The following PTBP3 variants were observed in gnomAD, a reference collection of about 807,000 sequenced individuals.
The protein encoded by PTBP3 is polypyrimidine tract-binding protein 3.
In PTBP3, 20 loss-of-function variants were observed where a neutral mutation model predicts 58.7. That is an observed-to-expected ratio of 0.34 (90% CI 0.24 to 0.50). PTBP3 has a LOEUF of 0.50. Ranked by LOEUF, PTBP3 falls within the 20% of genes least tolerant of loss-of-function variation. The probability of loss-of-function intolerance (pLI) is 0.98; values close to 1 mark genes in which losing one functional copy is unlikely to be tolerated. For synonymous variants in PTBP3, 185 were observed against 219.8 expected, an observed-to-expected ratio of 0.84 and a Z score of 1.40; for missense variants, 509 against 637.2, an observed-to-expected ratio of 0.80 and a Z score of 2.17.
chr9:112,220,610 G>C lies in PTBP3; in HGVS notation c.*3241C>G. 1.0e-6 allele frequency: 1 copy of C among 996,914 alleles called. No homozygotes were observed. Among genetic ancestry groups the C allele is most frequent in the East Asian group, 1.1e-4 (1 of 9,342 alleles). 61.8% of individuals were successfully genotyped at this position (996,914 alleles called of 1,614,324 possible). On this transcript the variant is annotated 3_prime_UTR_variant, in exon 14 of 14. Coordinates refer to ENST00000374257, the MANE Select transcript of PTBP3 (RefSeq NM_001163788.4). ...ATTGATTTCAATATTTAGTCTTAAA[G>C]AATTTATGGCATTCTGTAAGAGCTG...
At chr9:112,313,907 C>A (rs1274523091) in intron 1 of PTBP3, among the ~76,000 whole-genome samples, 1 of 152,090 alleles carries the variant, frequency 6.6e-6, no homozygotes, top group Non-Finnish European at 1.5e-5. Flanking sequence ...CATGGATGAA[C>A]CAACTGACGA....
At chr9:112,301,164 TA>T (rs1288715707) in intron 1 of PTBP3, among the ~76,000 whole-genome samples, 1 of 151,360 alleles carries the variant, frequency 6.6e-6, no homozygotes, top group Non-Finnish European at 1.5e-5. Flanking sequence ...AGATCAACAA[TA>T]AAAAAAGACA....
At chr9:112,226,902 A>G (rs183235070) in intron 12 of PTBP3, among the ~76,000 whole-genome samples, 1 of 152,372 alleles carries the variant, frequency 6.6e-6, no homozygotes, top group African/African-American at 2.4e-5. Context: ...GAAGATAACT[A>G]AAGCACACAT....
At chr9:112,314,992 C>T (rs1014518220) in intron 1 of PTBP3, among the ~76,000 whole-genome samples, 1 of 152,040 alleles carries the variant, frequency 6.6e-6, no homozygotes, top group Non-Finnish European at 1.5e-5. Context: ...CTGCCATGCC[C>T]GGCTAATTTT....
chr9:112,308,536 G>A (rs1032683816), intron 1 of PTBP3, among the ~76,000 whole-genome samples: 4 of 151,982 alleles, frequency 2.6e-5, no homozygotes, highest in African/African-American at 9.7e-5. Flanking sequence ...AGGTTTGACT[G>A]CTATGATAAC....
chr9:112,313,216 C>A (rs200051030), intron 1 of PTBP3, among the ~76,000 whole-genome samples: 1 of 132,656 alleles, frequency 7.5e-6, no homozygotes, highest in Non-Finnish European at 1.6e-5. Context: ...AGACTTTTTT[C>A]TTTTAAGAGA....
At chr9:112,241,169 T>C (rs1291898994) in intron 7 of PTBP3, among the ~76,000 whole-genome samples, 5 of 152,194 alleles carry the variant, frequency 3.3e-5, no homozygotes, top group Admixed American at 1.3e-4. Context: ...AGTGGCACAA[T>C]CTGGGCTCAC....
intron 7 of PTBP3, among the ~76,000 whole-genome samples, chr9:112,247,268 T>TAATAAATAAATA (rs67113136): frequency 4.9e-5 from 7 of 144,122 alleles, no homozygotes; most frequent in African/African-American, 7.6e-5. Context: ...CCTGTTTCAA[T>TAATAAATAAATA]AATAAATAAA....
chr9:112,299,297 C>G (rs1828816353), intron 1 of PTBP3, among the ~76,000 whole-genome samples: 1 of 152,112 alleles, frequency 6.6e-6, no homozygotes, highest in East Asian at 1.9e-4. Flanking sequence ...TTAGCTCTTT[C>G]GAGATTTGCA....
At chr9:112,287,342 T>TTG (rs1491588992) in intron 2 of PTBP3, among the ~76,000 whole-genome samples, 1 of 101,608 alleles carries the variant, frequency 9.8e-6, no homozygotes, top group African/African-American at 3.0e-5. Flanking sequence ...CAGTTTTTTG[T>TTG]TTTTTTTTTT....
the PTBP3 span, among the ~76,000 whole-genome samples, chr9:112,361,443 T>G: frequency 6.6e-6 from 1 of 152,170 alleles, no homozygotes; most frequent in South Asian, 2.1e-4. Context: ...GGAAGATAAC[T>G]TTGTCCATTT....
At chr9:112,360,380 G>A in the PTBP3 span, among the ~76,000 whole-genome samples, 5 of 152,028 alleles carry the variant, frequency 3.3e-5, no homozygotes, top group South Asian at 4.2e-4. Context: ...TAGAATCAGG[G>A]TGTCACTGTT....
chr9:112,251,152 T>C, intron 6 of PTBP3, 49 bp from the exon 7 acceptor site: 2 of 1,375,958 alleles, frequency 1.5e-6, no homozygotes, highest in African/African-American at 3.0e-5. Flanking sequence ...ACAACACTGA[T>C]AACCAAGAAG....
intron 2 of PTBP3, among the ~76,000 whole-genome samples, chr9:112,297,422 C>T (rs1247360974): frequency 6.6e-6 from 1 of 152,192 alleles, no homozygotes; most frequent in African/African-American, 2.4e-5. Flanking sequence ...CCAGGCTGGT[C>T]TTGAACTCCT....
chr9:112,314,166 G>A (rs1829606235), intron 1 of PTBP3, among the ~76,000 whole-genome samples: 1 of 152,074 alleles, frequency 6.6e-6, no homozygotes, highest in South Asian at 2.1e-4. Context: ...GGGTCCTTGG[G>A]AAGTACTGGA....
intron 2 of PTBP3, among the ~76,000 whole-genome samples, chr9:112,283,781 C>T (rs777446980): frequency 2.0e-5 from 3 of 152,240 alleles, no homozygotes; most frequent in East Asian, 1.9e-4. Flanking sequence ...GAGAAAACAA[C>T]GGTTTCACGG....
chr9:112,254,661 T>C (rs910499992), intron 5 of PTBP3, among the ~76,000 whole-genome samples: 2 of 151,338 alleles, frequency 1.3e-5, no homozygotes, highest in African/African-American at 4.9e-5. Flanking sequence ...AAAATGCAAA[T>C]CAAAACTACA....
At chr9:112,225,240 A>C (rs1341458905) in intron 12 of PTBP3, among the ~76,000 whole-genome samples, 1 of 152,204 alleles carries the variant, frequency 6.6e-6, no homozygotes, top group Non-Finnish European at 1.5e-5. Context: ...AGGAAGACAG[A>C]CCTGGGTTCA....
intron 1 of PTBP3, among the ~76,000 whole-genome samples, chr9:112,308,423 T>A (rs938105994): frequency 1.3e-5 from 2 of 150,388 alleles, no homozygotes; most frequent in Admixed American, 1.3e-4. Flanking sequence ...TGAAAACATA[T>A]CACTGCATTT....
Sources: gnomAD v4.1 joint callset for allele counts (sites outside exome capture counted in the v4.1 genomes callset) on GRCh38, gnomAD v4.1.1 for gene constraint, MANE v1.5 for transcripts, NCBI Gene and HGNC (gene_info 2026-07-23, HGNC 2026-07-21) for gene names.